Variants in FYN observed in about 807,000 individuals in gnomAD.
FYN encodes FYN proto-oncogene, Src family tyrosine kinase.
FYN carries 10 observed loss-of-function variants against 70.2 expected under a neutral mutation model. That is an observed-to-expected ratio of 0.14 (90% CI 0.09 to 0.24). FYN has a LOEUF of 0.24. Among genes scored for constraint, FYN ranks in the 10% least tolerant of loss-of-function variants. The pLI is 1.00. For synonymous variants in FYN, 236 were observed against 248.6 expected (o/e 0.95, Z 0.48); for missense variants, 319 against 673.1 (o/e 0.47, Z 5.82).
chr6:111,753,447 G>A (rs928435270), intron 3 of FYN, among the ~76,000 whole-genome samples: 1 of 152,176 alleles, frequency 6.6e-6, no homozygotes, highest in Non-Finnish European at 1.5e-5. Flanking sequence ...GGGGCTCTGA[G>A]CTCTTCAAAA....
chr6:111,775,223 A>C (rs1770878761), intron 3 of FYN, among the ~76,000 whole-genome samples: 1 of 152,154 alleles, frequency 6.6e-6, no homozygotes, highest in Non-Finnish European at 1.5e-5. Flanking sequence ...TAAGTGGGAA[A>C]TTTTGGTTTA....
chr6:111,793,786 TG>T, intron 2 of FYN: 1 of 152,318 alleles, frequency 6.6e-6, no homozygotes, highest in South Asian at 2.1e-4. Flanking sequence ...TCATTAGCCA[TG>T]TGCTCCACAG....
chr6:111,787,347 G>A (rs1485546291), intron 2 of FYN, among the ~76,000 whole-genome samples: 1 of 152,130 alleles, frequency 6.6e-6, no homozygotes, highest in Non-Finnish European at 1.5e-5. Context: ...TCTTGTTTCT[G>A]TCAGGTTTTT....
intron 2 of FYN, among the ~76,000 whole-genome samples, chr6:111,829,396 A>T (rs993800549): frequency 6.6e-6 from 1 of 152,234 alleles, no homozygotes; most frequent in Non-Finnish European, 1.5e-5. Context: ...TTTGTAAAAG[A>T]ACCTGAAAAG....
At chr6:111,764,946 C>A (rs772335265) in intron 3 of FYN, among the ~76,000 whole-genome samples, 8 of 151,890 alleles carry the variant, frequency 5.3e-5, no homozygotes, top group Admixed American at 2.6e-4. Flanking sequence ...CTGATGGAAC[C>A]GCTGGGTGAG....
intron 2 of FYN, among the ~76,000 whole-genome samples, chr6:111,842,235 T>C (rs1437403351): frequency 6.6e-6 from 1 of 152,200 alleles, no homozygotes; most frequent in Non-Finnish European, 1.5e-5. Context: ...TGGCCTCCTA[T>C]AGTTTCTGAG....
At chr6:111,702,405 A>C (rs1384608738) in intron 8 of FYN, 1 of 152,746 alleles carries the variant, frequency 6.5e-6, no homozygotes, top group Non-Finnish European at 1.5e-5. Context: ...CCTAGTTAGG[A>C]AACAGCAGTA....
At chr6:111,688,213 G>A (rs988256799) in intron 12 of FYN, among the ~76,000 whole-genome samples, 5 of 152,222 alleles carry the variant, frequency 3.3e-5, no homozygotes, top group Admixed American at 2.6e-4. Flanking sequence ...GAGGCTCAGA[G>A]GGGCCAGAAC....
intron 2 of FYN, among the ~76,000 whole-genome samples, chr6:111,789,208 C>T (rs1771513781): frequency 6.6e-6 from 1 of 152,206 alleles, no homozygotes; most frequent in East Asian, 1.9e-4. Flanking sequence ...ATCAGAGGCT[C>T]ACTGTTGAGC....
intron 5 of FYN, among the ~76,000 whole-genome samples, chr6:111,712,203 T>C (rs1399736583): frequency 1.3e-5 from 2 of 152,220 alleles, no homozygotes; most frequent in East Asian, 3.8e-4. Context: ...ACGTGCAGTG[T>C]GGACAAAGCC....
chr6:111,778,758 T>A (rs945533822), intron 3 of FYN, among the ~76,000 whole-genome samples: 3 of 152,088 alleles, frequency 2.0e-5, no homozygotes, highest in Admixed American at 2.0e-4. Flanking sequence ...CCTCCTAAAG[T>A]GCTGGGATTG....
intron 3 of FYN, among the ~76,000 whole-genome samples, chr6:111,731,529 C>T (rs981554798): frequency 1.3e-5 from 2 of 152,208 alleles, no homozygotes; most frequent in Non-Finnish European, 2.9e-5. Flanking sequence ...CCCAGTCCCC[C>T]GGCCCCTGGG....
intron 3 of FYN, chr6:111,754,687 G>C (rs1226285023): frequency 2.0e-5 from 3 of 152,172 alleles, no homozygotes; most frequent in Non-Finnish European, 2.9e-5. Context: ...CCTTGAGGGA[G>C]AGAAATCGTA....
At chr6:111,759,452 C>T (rs1319631316) in intron 3 of FYN, among the ~76,000 whole-genome samples, 1 of 152,198 alleles carries the variant, frequency 6.6e-6, no homozygotes, top group Admixed American at 6.5e-5. Flanking sequence ...AAACAAATGG[C>T]TTCCTCTCTA....
intron 2 of FYN, chr6:111,793,964 G>A (rs1482814205): frequency 6.6e-6 from 1 of 152,202 alleles, no homozygotes; most frequent in Non-Finnish European, 1.5e-5. Context: ...CCCACAGGAA[G>A]TGAGAGGCAG....
rs567589506 is a variant in FYN, at chr6:111,870,632, G to A, written c.-123+2336C>T. Among the ~76,000 whole-genome samples the A allele has an allele frequency of 2.6e-5, 4 of 152,288 alleles. No homozygotes were observed. In the South Asian group the frequency reaches 6.2e-4, roughly 24 times the overall value. On this transcript the variant is annotated intron_variant, in intron 1 of 13. Coordinates refer to ENST00000354650, the MANE Select transcript of FYN (RefSeq NM_002037.5). ...ATTAATGGTGGAAATAGACTCATGC[G>A]AAACATAATGCCTGCTGCCAAAGTT...
chr6:111,792,967 T>A (rs1020718222), intron 2 of FYN, among the ~76,000 whole-genome samples: 2 of 152,186 alleles, frequency 1.3e-5, no homozygotes, highest in Non-Finnish European at 2.9e-5. Flanking sequence ...AAAGGAGAGT[T>A]CACTTTGTGA....
intron 12 of FYN, among the ~76,000 whole-genome samples, chr6:111,677,487 T>C (rs73766704): frequency 0.017 from 2,613 of 152,318 alleles, 81 homozygotes; most frequent in African/African-American, 0.06. Flanking sequence ...TGGAGTTAAC[T>C]GGGGATTTTT....
intron 2 of FYN, among the ~76,000 whole-genome samples, chr6:111,812,500 AGAAATG>A (rs982106214): frequency 7.9e-5 from 12 of 151,678 alleles, no homozygotes; most frequent in African/African-American, 2.9e-4. Flanking sequence ...AAGTTTGGGG[AGAAATG>A]GCTAGAAATA....
Sources: allele counts gnomAD v4.1 joint callset (sites outside exome capture counted in the v4.1 genomes callset), GRCh38; gene constraint gnomAD v4.1.1; transcripts MANE v1.5; gene names NCBI Gene and HGNC (gene_info 2026-07-23, HGNC 2026-07-21).